Variants in MYO16 observed in about 807,000 individuals in gnomAD.
MYO16 encodes myosin XVI.
Under a neutral mutation model 205.3 loss-of-function variants are expected in MYO16, and 94 were observed. The ratio of observed to expected loss-of-function variants is 0.46; its 90% confidence interval spans 0.39 to 0.54. The LOEUF (loss-of-function observed/expected upper bound fraction) is 0.54, where lower values mean the gene tolerates loss of function less well. Ranked by LOEUF, MYO16 falls within the 20% of genes least tolerant of loss-of-function variation. The pLI, the probability that MYO16 is intolerant of heterozygous loss-of-function variation, is 0.00. For missense variants in MYO16, 2,315 were observed against 2,387.5 expected (o/e 0.97, Z 0.63); for synonymous variants, 988 against 954.0 (o/e 1.04, Z -0.66).
At chr13:109,101,249 T>C in intron 28 of MYO16, 1 of 185,580 alleles carries the variant, frequency 5.4e-6, no homozygotes, top group South Asian at 1.1e-4. Flanking sequence ...TTGATTTCTT[T>C]GTGCAGAGTT....
intron 1 of MYO16, among the ~76,000 whole-genome samples, chr13:108,614,225 A>G (rs918543740): frequency 2.0e-5 from 3 of 152,120 alleles, no homozygotes; most frequent in African/African-American, 7.2e-5. Context: ...TTCTAAATAC[A>G]AATAGCATCA....
chr13:108,633,121 GA>G (rs1156372458), intron 1 of MYO16, among the ~76,000 whole-genome samples: 1 of 152,114 alleles, frequency 6.6e-6, no homozygotes, highest in Non-Finnish European at 1.5e-5. Context: ...CCAGAGCTGA[GA>G]ATTCATTTAC....
chr13:109,189,500 TG>T (rs1345946701), intron 34 of MYO16, among the ~76,000 whole-genome samples: 3 of 152,248 alleles, frequency 2.0e-5, no homozygotes, highest in African/African-American at 7.2e-5. Context: ...CATTACCTAT[TG>T]GTAAATTAAA....
At position 109,159,489 on chromosome 13, in the gene MYO16, C is replaced by T. The variant is rs573916173; in HGVS notation, c.5165-5412C>T. Among the ~76,000 whole-genome samples, 10 of 152,296 alleles carry T rather than the reference C, an allele frequency of 6.6e-5. No individual in the cohort carries two copies. The South Asian group carries it at 2.1e-3, about 32-fold the overall frequency. ...TATTAAAACTAATTTATTGTTCATTCATCTTTTTTCTTTTTCAACAAATAT... is the reference window on the plus strand; with the variant it reads ...TATTAAAACTAATTTATTGTTCATTTATCTTTTTTCTTTTTCAACAAATAT... On this transcript the variant is annotated intron_variant, in intron 32 of 34. Transcript: ENST00000457511.
chr13:108,636,581 T>C (rs1249335873), intron 1 of MYO16, among the ~76,000 whole-genome samples: 1 of 152,142 alleles, frequency 6.6e-6, no homozygotes, highest in East Asian at 1.9e-4. Context: ...GGTTTCACCA[T>C]ATTGGCCAGG....
At chr13:109,094,829 C>A (rs182377772) in intron 27 of MYO16, among the ~76,000 whole-genome samples, 1 of 152,192 alleles carries the variant, frequency 6.6e-6, no homozygotes, top group Non-Finnish European at 1.5e-5. Flanking sequence ...GACATGAATT[C>A]ATGCTTTTGT....
At chr13:108,759,774 C>T (rs111950755) in intron 4 of MYO16, among the ~76,000 whole-genome samples, 34,365 of 149,630 alleles carry the variant, frequency 0.23, 4,378 homozygotes, top group African/African-American at 0.33. Flanking sequence ...GAGCCGAGAT[C>T]GCGCCACTGC....
intron 33 of MYO16, among the ~76,000 whole-genome samples, chr13:109,175,245 A>C (rs1032338238): frequency 6.6e-5 from 10 of 152,200 alleles, no homozygotes; most frequent in African/African-American, 2.4e-4. Context: ...GGAAGGTTTA[A>C]CTTTCAGTGC....
At chr13:108,524,069 G>A in the MYO16 span, among the ~76,000 whole-genome samples, 2 of 152,112 alleles carry the variant, frequency 1.3e-5, no homozygotes, top group South Asian at 2.1e-4. Flanking sequence ...GGAGGCCGAG[G>A]TGGGTGGATT....
chr13:108,838,665 C>CAAA (rs36195222), intron 9 of MYO16, among the ~76,000 whole-genome samples: 40 of 107,456 alleles, frequency 3.7e-4, no homozygotes, highest in South Asian at 1.7e-3. Flanking sequence ...GAGACTGTCT[C>CAAA]AAAAAAAAAA....
At chr13:108,849,016 A>G (rs571143826) in intron 10 of MYO16, among the ~76,000 whole-genome samples, 1 of 152,088 alleles carries the variant, frequency 6.6e-6, no homozygotes, top group African/African-American at 2.4e-5. Flanking sequence ...AGACTTCACT[A>G]TTTAAGAAAC....
At chr13:108,665,827 G>GGT in intron 1 of MYO16, 59 bp from the exon 2 acceptor site, 1 of 1,528,042 alleles carries the variant, frequency 6.5e-7, no homozygotes, top group South Asian at 1.2e-5. Flanking sequence ...GTGCTGTGGT[G>GGT]CACACTTATA....
intron 4 of MYO16, among the ~76,000 whole-genome samples, chr13:108,770,154 T>C (rs898595609): frequency 1.3e-5 from 2 of 152,180 alleles, no homozygotes; most frequent in Non-Finnish European, 2.9e-5. Flanking sequence ...TGTAATATTC[T>C]CAATTTATTT....
At chr13:109,053,651 A>G (rs1887321890) in intron 25 of MYO16, among the ~76,000 whole-genome samples, 1 of 152,124 alleles carries the variant, frequency 6.6e-6, no homozygotes, top group East Asian at 1.9e-4. Flanking sequence ...AACTCACAGT[A>G]GTTCCTCCAC....
intron 1 of MYO16, among the ~76,000 whole-genome samples, chr13:108,609,743 T>G (rs76641644): frequency 0.058 from 8,776 of 152,272 alleles, 335 homozygotes; most frequent in Admixed American, 0.11. Context: ...AATCCGACAC[T>G]AATCCTTTCT....
At position 108,888,354 on chromosome 13, in the gene MYO16, C is replaced by T; in HGVS notation, c.1554-18C>T. 8 of 1,534,886 alleles carry T rather than the reference C, an allele frequency of 5.2e-6. No individual in the cohort carries two copies. The highest frequency in any genetic ancestry group is 7.0e-6 in the Non-Finnish European group (8 of 1,136,710). On this transcript the variant is annotated intron_variant, in intron 13 of 34. Coordinates refer to ENST00000457511, the MANE Select transcript of MYO16 (RefSeq NM_001198950.3). The stretch of plus-strand genomic sequence containing the variant: ...AAAGTTCCTTCAAACTTATGTTTTT[C>T]CTCTCTGTTTTCCTTAGTGGAGAAA...
intron 27 of MYO16, among the ~76,000 whole-genome samples, chr13:109,082,842 G>C (rs1888322097): frequency 6.6e-6 from 1 of 151,922 alleles, no homozygotes; most frequent in African/African-American, 2.4e-5. Context: ...AAGATAATGG[G>C]TTTAGCTTTA....
the MYO16 span, among the ~76,000 whole-genome samples, chr13:108,525,063 C>T: frequency 6.6e-6 from 1 of 152,014 alleles, no homozygotes; most frequent in Non-Finnish European, 1.5e-5. Context: ...AGTGAAGTGT[C>T]TGGGAGTGTG....
chr13:108,643,242 T>C (rs1384646835), intron 1 of MYO16, among the ~76,000 whole-genome samples: 1 of 152,226 alleles, frequency 6.6e-6, no homozygotes, highest in Non-Finnish European at 1.5e-5. Flanking sequence ...GTCATGTAAA[T>C]GAAGTTGTAC....
Sources: allele counts gnomAD v4.1 joint callset (sites outside exome capture counted in the v4.1 genomes callset), GRCh38; gene constraint gnomAD v4.1.1; transcripts MANE v1.5; gene names NCBI Gene and HGNC (gene_info 2026-07-23, HGNC 2026-07-21).